EGFLAM: variants seen among roughly 807,000 people sequenced by gnomAD.
EGFLAM encodes the protein EGF like, fibronectin type III and laminin G domains.
A neutral mutation model predicts 113.1 loss-of-function variants in EGFLAM; 79 were observed. The observed-to-expected ratio is 0.70, with a 90% CI of 0.58 to 0.84. The LOEUF is 0.84. Among genes scored for constraint, EGFLAM ranks in the 40% least tolerant of loss-of-function variants. EGFLAM has a pLI of 0.00. For synonymous variants in EGFLAM, 504 were observed against 487.6 expected (o/e 1.03, Z -0.44); for missense variants, 1,265 against 1,291.6 (o/e 0.98, Z 0.32).
intron 1 of EGFLAM, among the ~76,000 whole-genome samples, chr5:38,272,282 G>T (rs1229569270): frequency 6.6e-6 from 1 of 152,172 alleles, no homozygotes; most frequent in African/African-American, 2.4e-5. Context: ...AGGCTAAGAA[G>T]CAAAGGCAAT....
At chr5:38,314,477 A>T (rs1738539165) in intron 1 of EGFLAM, among the ~76,000 whole-genome samples, 1 of 152,160 alleles carries the variant, frequency 6.6e-6, no homozygotes, top group Non-Finnish European at 1.5e-5. Context: ...CAAATGCCTG[A>T]TAGTTTTGTT....
At chr5:38,280,339 G>A (rs1008033598) in intron 1 of EGFLAM, among the ~76,000 whole-genome samples, 4 of 152,208 alleles carry the variant, frequency 2.6e-5, no homozygotes, top group African/African-American at 9.7e-5. Flanking sequence ...CACAGTTACT[G>A]TCAGCTCTTC....
chr5:38,391,384 T>TTGTGTGTG (rs758900897), intron 6 of EGFLAM, among the ~76,000 whole-genome samples: 1,367 of 97,994 alleles, frequency 0.014, 32 homozygotes, highest in African/African-American at 0.045. Flanking sequence ...TTTCTTTTCT[T>TTGTGTGTG]TGTGTGTGTG....
chr5:38,267,508 TA>T (rs772031713), intron 1 of EGFLAM, among the ~76,000 whole-genome samples: 1 of 152,122 alleles, frequency 6.6e-6, no homozygotes, highest in Non-Finnish European at 1.5e-5. Flanking sequence ...AGCAGATAAA[TA>T]AAAAAATGGG....
rs997852441 is a variant in EGFLAM, at chr5:38,464,877, C to T, written c.*891C>T. On this transcript the variant is annotated 3_prime_UTR_variant, in exon 22 of 22. Transcript: ENST00000322350. ...ATTCTCTTTTGGTAAATGTTGACGG[C>T]TCAAGAGGATGAATATGAAGCTTTC... is the stretch of plus-strand genomic sequence containing the variant. The T allele has an allele frequency of 1.3e-5, 2 of 152,120 alleles. No individual in the cohort carries two copies. The highest frequency in any genetic ancestry group is 4.8e-5 in the African/African-American group (2 of 41,406). 9.4% of individuals were successfully genotyped at this position (152,120 alleles called of 1,614,324 possible).
chr5:38,366,994 G>A (rs573371558), intron 5 of EGFLAM, among the ~76,000 whole-genome samples: 1 of 152,128 alleles, frequency 6.6e-6, no homozygotes, highest in Non-Finnish European at 1.5e-5. Context: ...ACTGCTGGCC[G>A]CATTCTCTAT....
At chr5:38,457,762 A>G (rs1328392319) in intron 19 of EGFLAM, among the ~76,000 whole-genome samples, 2 of 152,158 alleles carry the variant, frequency 1.3e-5, no homozygotes, top group African/African-American at 4.8e-5. Flanking sequence ...TATTCCTGAT[A>G]CTTTAGTACT....
intron 6 of EGFLAM, chr5:38,403,963 G>T: frequency 6.2e-7 from 1 of 1,611,380 alleles, no homozygotes; most frequent in South Asian, 1.1e-5. Context: ...CTGGGGAATT[G>T]GTGTGGAAGG....
chr5:38,462,629 GCTC>G (rs1743323432), intron 20 of EGFLAM: 1 of 351,770 alleles, frequency 2.8e-6, no homozygotes, highest in Non-Finnish European at 5.4e-6. Context: ...GTTAGGCGCT[GCTC>G]CTCTGGTGTA....
intron 6 of EGFLAM, among the ~76,000 whole-genome samples, chr5:38,394,711 C>T (rs1356639328): frequency 5.8e-5 from 7 of 121,698 alleles, no homozygotes; most frequent in South Asian, 2.6e-4. Context: ...GCCGGGCCCA[C>T]TTTTTTTTTT....
At chr5:38,445,746 G>T (rs1473915514) in intron 17 of EGFLAM, 2 of 1,589,424 alleles carry the variant, frequency 1.3e-6, no homozygotes, top group Non-Finnish European at 1.7e-6. Flanking sequence ...AGCGCTCTGG[G>T]CTGGGGCAGG....
intron 3 of EGFLAM, among the ~76,000 whole-genome samples, chr5:38,349,771 A>ACT (rs1561288289): frequency 1.8e-5 from 2 of 114,194 alleles, no homozygotes; most frequent in Non-Finnish European, 3.6e-5. Flanking sequence ...GGAAGTACAC[A>ACT]CGCACACACA....
chr5:38,352,215 A>T lies in EGFLAM; in HGVS notation c.429A>T (p.Ala143=). 1 of 1,614,076 alleles carries T rather than the reference A, an allele frequency of 6.2e-7. No homozygotes were observed. The highest frequency in any genetic ancestry group is 8.5e-7 in the Non-Finnish European group (1 of 1,179,980). ...TLSQDSCLPP[A]APQQPHVIVV... ...ACCTAGATTCCTGCCTGCCTCCTGC[A>T]GCTCCCCAGCAGCCACATGTCATTG... The change falls in exon 5 of 22, where the codon GCA becomes GCT. Residue 143 remains alanine, a synonymous_variant. Transcript: ENST00000322350.
At chr5:38,404,847 C>T (rs16903962) in intron 6 of EGFLAM, among the ~76,000 whole-genome samples, 4,721 of 152,264 alleles carry the variant, frequency 0.031, 231 homozygotes, top group African/African-American at 0.11. Flanking sequence ...GCCCTGGAGC[C>T]GCTCTTTAAA....
At chr5:38,390,484 G>C (rs976736431) in intron 6 of EGFLAM, among the ~76,000 whole-genome samples, 2 of 151,664 alleles carry the variant, frequency 1.3e-5, no homozygotes, top group African/African-American at 2.4e-5. Context: ...CCTTGTATGT[G>C]TGTACAAGAG....
chr5:38,337,507 T>G lies in EGFLAM; in HGVS notation c.98-13T>G, dbSNP rs746032022. 3.8e-6 allele frequency: 6 copies of G among 1,582,660 alleles called. No individual in the cohort carries two copies. The highest frequency in any genetic ancestry group is 5.2e-6 in the Non-Finnish European group (6 of 1,161,216). ...GTGGAGCCTCTAACACAATCTCTTTTGTTTGGGGGCAGGCAAGGTAGGGCC... is the reference window on the plus strand; with the variant it reads ...GTGGAGCCTCTAACACAATCTCTTTGGTTTGGGGGCAGGCAAGGTAGGGCC... On this transcript the variant is annotated splice_polypyrimidine_tract_variant and intron_variant, in intron 1 of 21. Coordinates refer to ENST00000322350, the MANE Select transcript of EGFLAM (RefSeq NM_152403.4).
At chr5:38,276,900 A>G (rs1757900572) in intron 1 of EGFLAM, among the ~76,000 whole-genome samples, 1 of 152,202 alleles carries the variant, frequency 6.6e-6, no homozygotes, top group Non-Finnish European at 1.5e-5. Context: ...ATAATGAGTA[A>G]GGAGATTGAG....
At chr5:38,315,223 T>G (rs988106159) in intron 1 of EGFLAM, among the ~76,000 whole-genome samples, 1 of 152,220 alleles carries the variant, frequency 6.6e-6, no homozygotes, top group African/African-American at 2.4e-5. Flanking sequence ...AGGTATTGAT[T>G]TTCTAACTTA....
At chr5:38,340,867 G>C (rs1215924413) in intron 3 of EGFLAM, among the ~76,000 whole-genome samples, 1 of 99,646 alleles carries the variant, frequency 1.0e-5, no homozygotes, top group East Asian at 3.3e-4. Context: ...GGGGTGGGGG[G>C]TGGGGAGAGT....
Sources: allele counts gnomAD v4.1 joint callset (sites outside exome capture counted in the v4.1 genomes callset), GRCh38; gene constraint gnomAD v4.1.1; transcripts MANE v1.5; gene names NCBI Gene and HGNC (gene_info 2026-07-23, HGNC 2026-07-21).